Variants in PGM3 observed in about 807,000 individuals in gnomAD.
The protein encoded by PGM3 is phosphoglucomutase 3.
A neutral mutation model predicts 66.2 loss-of-function variants in PGM3; 40 were observed. The ratio of observed to expected loss-of-function variants is 0.60; its 90% confidence interval spans 0.47 to 0.79. The LOEUF (loss-of-function observed/expected upper bound fraction) is 0.79. Among genes scored for constraint, PGM3 ranks in the 30% least tolerant of loss-of-function variants. PGM3 has a pLI of 0.00. For missense variants in PGM3, 537 were observed against 643.4 expected (o/e 0.83, Z 1.79); for synonymous variants, 191 against 224.2 (o/e 0.85, Z 1.32).
chr6:83,164,349 G>T (rs554321855), downstream of PGM3, among the ~76,000 whole-genome samples: 1 of 151,578 alleles, frequency 6.6e-6, no homozygotes, highest in African/African-American at 2.4e-5. Flanking sequence ...TAGGACTTTG[G>T]TACTTTCAAT....
At chr6:83,178,842 A>AT in intron 7 of PGM3, 86 bp from the exon 8 acceptor site, 1 of 812,288 alleles carries the variant, frequency 1.2e-6, no homozygotes, top group Admixed American at 1.9e-5. Flanking sequence ...GGCTACCAAA[A>AT]TTATCAGCCA....
intron 10 of PGM3, among the ~76,000 whole-genome samples, chr6:83,172,551 C>T (rs1342932462): frequency 2.0e-5 from 3 of 151,946 alleles, no homozygotes; most frequent in Admixed American, 6.6e-5. Flanking sequence ...CCCATCTACT[C>T]GGGAGGCTGA....
At chr6:83,164,204 A>C (rs1271123006), downstream of PGM3, among the ~76,000 whole-genome samples, 1 of 150,798 alleles carries the variant, frequency 6.6e-6, no homozygotes, top group Non-Finnish European at 1.5e-5. Context: ...ATAAAAATGG[A>C]ATGAAGAAAG....
downstream of PGM3, chr6:83,160,018 C>A: frequency 6.4e-7 from 1 of 1,551,846 alleles, no homozygotes; most frequent in Non-Finnish European, 8.8e-7. Context: ...GCTTTGGTCA[C>A]TGACATCTAT....
intron 3 of PGM3, among the ~76,000 whole-genome samples, chr6:83,188,191 C>CAGTG (rs1348295052): frequency 6.6e-6 from 1 of 152,076 alleles, no homozygotes; most frequent in African/African-American, 2.4e-5. Flanking sequence ...TTGTAGTTTA[C>CAGTG]AGTGAGCTCC....
intron 4 of PGM3, among the ~76,000 whole-genome samples, chr6:83,186,148 G>T (rs546401537): frequency 1.3e-5 from 2 of 152,294 alleles, no homozygotes; most frequent in Non-Finnish European, 2.9e-5. Context: ...CAGGTCCTCT[G>T]CAGCTTTCCC....
downstream of PGM3, among the ~76,000 whole-genome samples, chr6:83,164,312 G>A (rs932241499): frequency 1.3e-5 from 2 of 151,516 alleles, no homozygotes; most frequent in Non-Finnish European, 2.9e-5. Flanking sequence ...CAGAGATGAG[G>A]ATGTATGCTG....
At chr6:83,169,633 A>C (rs756632962) in intron 12 of PGM3, 5 of 465,924 alleles carry the variant, frequency 1.1e-5, no homozygotes, top group Non-Finnish European at 1.7e-5. Context: ...ACAGTAAGTA[A>C]GTACTAATGC....
chr6:83,186,472 T>C (rs1363801966), intron 4 of PGM3, among the ~76,000 whole-genome samples: 1 of 152,024 alleles, frequency 6.6e-6, no homozygotes, highest in East Asian at 1.9e-4. Flanking sequence ...ACCAGGAAAA[T>C]ATTCACCTCA....
chr6:83,186,253 G>T (rs1788571722), intron 4 of PGM3, among the ~76,000 whole-genome samples: 1 of 152,070 alleles, frequency 6.6e-6, no homozygotes, highest in Non-Finnish European at 1.5e-5. Context: ...GGGGTGGGCT[G>T]GGGAGACATT....
At chr6:83,159,815 G>A, downstream of PGM3, 3 of 1,614,138 alleles carry the variant, frequency 1.9e-6, no homozygotes, top group Non-Finnish European at 2.5e-6. Flanking sequence ...GCCCTCTGTG[G>A]CTGGTCTGGA....
chr6:83,148,907 T>C, the PGM3 span: 3 of 1,181,974 alleles, frequency 2.5e-6, no homozygotes, highest in Non-Finnish European at 3.5e-6. Flanking sequence ...AAGGATAATG[T>C]TAATTGTCCT....
At chr6:83,173,988 G>A (rs913224326) in intron 10 of PGM3, among the ~76,000 whole-genome samples, 11 of 151,792 alleles carry the variant, frequency 7.2e-5, no homozygotes, top group Admixed American at 6.5e-4. Context: ...CGCCCTCCTT[G>A]GCCTCCCAAA....
At chr6:83,187,125 G>T in intron 3 of PGM3, 50 bp from the exon 4 acceptor site, 1 of 1,222,964 alleles carries the variant, frequency 8.2e-7, no homozygotes, top group Non-Finnish European at 1.2e-6. Flanking sequence ...AAACTGGCAG[G>T]GTTGCTGGTT....
At chr6:83,151,643 A>G in the PGM3 span, 13 of 1,609,360 alleles carry the variant, frequency 8.1e-6, no homozygotes, top group Non-Finnish European at 1.1e-5. Context: ...AATAAAAAAG[A>G]CCAAAGAGAC....
intron 8 of PGM3, among the ~76,000 whole-genome samples, chr6:83,176,447 T>G (rs940248087): frequency 6.6e-6 from 1 of 152,228 alleles, no homozygotes; most frequent in African/African-American, 2.4e-5. Flanking sequence ...CCATATGGTC[T>G]CTGTCACAAT....
the PGM3 span, chr6:83,152,072 A>G: frequency 8.1e-6 from 13 of 1,604,768 alleles, no homozygotes; most frequent in African/African-American, 1.3e-5. Context: ...AAGCAGGCAT[A>G]TATTTACTAA....
intron 6 of PGM3, among the ~76,000 whole-genome samples, chr6:83,180,473 G>A (rs1788096382): frequency 6.6e-6 from 1 of 152,186 alleles, no homozygotes. Flanking sequence ...TAAAGTTGCT[G>A]AAATCTCAGC....
At position 83,169,284 on chromosome 6, in the gene PGM3, C is replaced by G. The variant is rs1211796192; in HGVS notation, c.1579G>C (p.Val527Leu). 1.2e-6 allele frequency: 2 copies of G among 1,613,816 alleles called. No individual in the cohort carries two copies. The highest frequency in any genetic ancestry group is 4.5e-5 in the East Asian group (2 of 44,884). ...CCAATTCCTCCAGCCAGCTGAAATA[C>G]TGCCAAGCTCACTTCATGTGCAAGG... ...DHLAHEVSLA[V>L]FQLAGGIGER... is the part of the protein sequence containing the mutation. The change falls in exon 13 of 13, where the codon GTA (valine) becomes CTA (leucine). Residue 527 changes from valine to leucine, a missense_variant. By Grantham distance (32) the Val-to-Leu change is conservative. Coordinates refer to ENST00000513973, the MANE Select transcript of PGM3 (RefSeq NM_015599.3).
Sources: gnomAD v4.1 joint callset for allele counts (sites outside exome capture counted in the v4.1 genomes callset) on GRCh38, gnomAD v4.1.1 for gene constraint, MANE v1.5 for transcripts, NCBI Gene and HGNC (gene_info 2026-07-23, HGNC 2026-07-21) for gene names.